Variants in CIZ1 observed in about 807,000 individuals in gnomAD.
CIZ1 encodes the protein CDKN1A interacting zinc finger protein 1.
Under a neutral mutation model 118.6 loss-of-function variants are expected in CIZ1, and 58 were observed. That is an observed-to-expected ratio of 0.49 (90% confidence interval 0.40 to 0.61). The LOEUF (loss-of-function observed/expected upper bound fraction) is 0.61, where lower values mean the gene tolerates loss of function less well. Ranked by LOEUF, CIZ1 falls within the 20% of genes least tolerant of loss-of-function variation. CIZ1 has a pLI of 0.00. For synonymous variants in CIZ1, 448 were observed against 443.4 expected (o/e 1.01, Z -0.13); for missense variants, 921 against 1,115.9 (o/e 0.83, Z 2.49).
chr9:128,198,220 G>C (rs184239521), intron 1 of CIZ1: 1 of 152,500 alleles, frequency 6.6e-6, no homozygotes, highest in African/African-American at 2.4e-5. Context: ...GCCCCAGGCT[G>C]TGCCAGGTGC....
At position 128,166,981 on chromosome 9, in the gene CIZ1, G is replaced by A. The variant is rs1485531172; in HGVS notation, c.2366-101C>T. 2 of 1,603,266 alleles carry A rather than the reference G, an allele frequency of 1.2e-6. No individual in the cohort carries two copies. Among genetic ancestry groups the A allele is most frequent in the East Asian group, 2.2e-5 (1 of 44,630 alleles). The stretch of plus-strand genomic sequence containing the variant: ...GTGCTCCCCAACCCTCTAGGCAGGG[G>A]CAGAAGAGAAGGCTTCCCAGCCAGA... On this transcript the variant is annotated intron_variant, in intron 15 of 16. Coordinates refer to ENST00000372938, the MANE Select transcript of CIZ1 (RefSeq NM_001131016.2). This position sits in a 1 kb window ranked among gnomAD's most constrained non-coding sequence, Gnocchi z 4.4.
chr9:128,184,409 C>A (rs45519440), intron 5 of CIZ1, among the ~76,000 whole-genome samples: 1 of 149,888 alleles, frequency 6.7e-6, no homozygotes, highest in African/African-American at 2.5e-5. Flanking sequence ...TAGCCCATTT[C>A]TTTTTACTTT....
chr9:128,179,252 G>A lies in CIZ1; in HGVS notation c.955C>T (p.Gln319Ter). ...TGAGTCTGTGACTGCACCTGGGCCT[G>A]GACCTGCAGGACCCGTGGCTGGAAT... ...PRFQPRVLQV[Q>*]AQVQSQTQPR... is the part of the protein sequence containing the mutation. The change falls in exon 8 of 17, where the codon CAG becomes TAG. Residue 319 changes from glutamine to a stop codon, truncating the protein, a stop_gained. Coordinates refer to ENST00000372938, the MANE Select transcript of CIZ1 (RefSeq NM_001131016.2). LOFTEE classifies it high-confidence loss of function. 6 of 1,614,166 alleles carry A rather than the reference G, an allele frequency of 3.7e-6. No individual in the cohort carries two copies. The highest frequency in any genetic ancestry group is 5.1e-6 in the Non-Finnish European group (6 of 1,180,038).
rs765475290 is a variant in CIZ1, at chr9:128,166,722, G to T, written c.2487+37C>A. ...ATCAGCTTGGATTAAGACTAAGTCT[G>T]TGGCCAGGGGAGGACAGGGCAGGAT... is the stretch of plus-strand genomic sequence containing the variant. On this transcript the variant is annotated intron_variant, in intron 16 of 16. Coordinates refer to ENST00000372938, the MANE Select transcript of CIZ1 (RefSeq NM_001131016.2). The surrounding 1 kb of genome is among the most constrained non-coding windows in gnomAD (Gnocchi z 4.4). 9.3e-6 allele frequency: 15 copies of T among 1,613,848 alleles called. No individual in the cohort carries two copies. In the South Asian group the frequency reaches 1.6e-4, roughly 18 times the overall value.
At chr9:128,199,180 C>T (rs533639383) in intron 1 of CIZ1, among the ~76,000 whole-genome samples, 2 of 152,128 alleles carry the variant, frequency 1.3e-5, no homozygotes, top group African/African-American at 4.8e-5. Context: ...CCAGCCTGGC[C>T]AACATGGTGA....
chr9:128,199,393 G>A (rs115932937), intron 1 of CIZ1, among the ~76,000 whole-genome samples: 4,801 of 151,600 alleles, frequency 0.032, 256 homozygotes, highest in African/African-American at 0.1. Context: ...GCCCAGCACA[G>A]TTGGTGGTCA....
upstream of CIZ1, among the ~76,000 whole-genome samples, chr9:128,196,279 G>A (rs186709648): frequency 6.6e-6 from 1 of 152,236 alleles, no homozygotes; most frequent in African/African-American, 2.4e-5. Context: ...CAGGTGTTGT[G>A]ACTCACACCT....
intron 7 of CIZ1, among the ~76,000 whole-genome samples, chr9:128,179,636 G>C (rs890462844): frequency 6.6e-6 from 1 of 152,032 alleles, no homozygotes; most frequent in Non-Finnish European, 1.5e-5. Flanking sequence ...CCCAGCCCAA[G>C]ACTGTTTCTT....
upstream of CIZ1, among the ~76,000 whole-genome samples, chr9:128,192,475 G>A (rs1206071190): frequency 6.7e-6 from 1 of 149,548 alleles, no homozygotes; most frequent in Non-Finnish European, 1.5e-5. Context: ...CTTAACAACC[G>A]CTGTATCCCC....
intron 11 of CIZ1, among the ~76,000 whole-genome samples, chr9:128,171,629 C>T (rs967091769): frequency 6.8e-6 from 1 of 148,134 alleles, no homozygotes; most frequent in African/African-American, 2.5e-5. Flanking sequence ...CCCAGCTACT[C>T]GGGAGGCTGA....
intron 5 of CIZ1, among the ~76,000 whole-genome samples, chr9:128,184,901 C>G (rs904908444): frequency 2.6e-5 from 4 of 152,092 alleles, no homozygotes; most frequent in African/African-American, 9.7e-5. Context: ...AACCTCTGAC[C>G]TCAGGTGATC....
At chr9:128,169,573 A>G (rs1233098985) in intron 12 of CIZ1, 54 bp from the exon 13 acceptor site, 6 of 1,601,476 alleles carry the variant, frequency 3.7e-6, no homozygotes, top group Middle Eastern at 1.7e-4. Flanking sequence ...CCCCCTGACT[A>G]GCACCCAGGC....
In CIZ1 at chr9:128,199,310, G is replaced by A. The variant is rs575902530; in HGVS notation, c.-6+4876C>T. Among the ~76,000 whole-genome samples, 10 of 152,102 alleles carry A rather than the reference G, an allele frequency of 6.6e-5. 1 individual carries two copies. The South Asian group carries it at 2.1e-3, about 31-fold the overall frequency. On this transcript the variant is annotated intron_variant, in intron 1 of 17. Transcript: ENST00000372948. Reference sequence around the variant, plus strand: ...TTGAGCCCAGGAGGCAGAGGTTGCAGTAAGCAGAGATCATGCCACTGCACT... The same window carrying A: ...TTGAGCCCAGGAGGCAGAGGTTGCAATAAGCAGAGATCATGCCACTGCACT...
At position 128,166,894 on chromosome 9, in the gene CIZ1, T is replaced by C; in HGVS notation, c.2366-14A>G. 1 of 1,614,168 alleles carries C rather than the reference T, an allele frequency of 6.2e-7. No individual in the cohort carries two copies. Among genetic ancestry groups the C allele is most frequent in the Non-Finnish European group, 8.5e-7 (1 of 1,180,008 alleles). On this transcript the variant is annotated splice_polypyrimidine_tract_variant and intron_variant, in intron 15 of 16. Coordinates refer to ENST00000372938, the MANE Select transcript of CIZ1 (RefSeq NM_001131016.2). This position sits in a 1 kb window ranked among gnomAD's most constrained non-coding sequence, Gnocchi z 4.4. ...GGAAGTCCACACCTGTAGGATGGGA[T>C]GGCAGGGTCTGCACTCACATCCCTG...
At chr9:128,195,254 A>G (rs569343218), upstream of CIZ1, among the ~76,000 whole-genome samples, 62 of 152,256 alleles carry the variant, frequency 4.1e-4, no homozygotes, top group Non-Finnish European at 3.7e-4. Flanking sequence ...AACACCCACA[A>G]TATGATGTGA....
At chr9:128,188,098 AG>A (rs1832658598) in intron 3 of CIZ1, among the ~76,000 whole-genome samples, 164 bp from the exon 4 acceptor site, 3 of 109,254 alleles carry the variant, frequency 2.7e-5, no homozygotes, top group Admixed American at 1.3e-4. Context: ...AATTAAAAAA[AG>A]CAAAAGAAAG....
At position 128,176,496 on chromosome 9, in the gene CIZ1, G is replaced by A. The variant is rs1830864844; in HGVS notation, c.1819-21C>T. 9 of 1,609,788 alleles carry A rather than the reference G, an allele frequency of 5.6e-6. No homozygotes were observed. The East Asian group carries it at 1.8e-4, about 32-fold the overall frequency. Reference sequence around the variant, plus strand: ...AACTCCTGCAGCAGGAGGGAAAGAGGGATGGGCCTGGGGCGTGAGCCCAGA... The same window carrying A: ...AACTCCTGCAGCAGGAGGGAAAGAGAGATGGGCCTGGGGCGTGAGCCCAGA... On this transcript the variant is annotated intron_variant, in intron 10 of 16. Coordinates refer to ENST00000372938, the MANE Select transcript of CIZ1 (RefSeq NM_001131016.2).
Position 128,166,504 on chromosome 9 carries a change from G to C in CIZ1, c.2488-98C>G. 9.1e-7 allele frequency: 1 copy of C among 1,102,130 alleles called. No homozygotes were observed. Among genetic ancestry groups the C allele is most frequent in the African/African-American group, 1.6e-5 (1 of 63,426 alleles). The allele number at this position is 1,102,130 out of a possible 1,614,324, so 68.3% of individuals were successfully genotyped here. A position where few individuals can be genotyped will look rare whatever the true frequency, so the allele number is the denominator to read the frequency against. On this transcript the variant is annotated intron_variant, in intron 16 of 16. Coordinates refer to ENST00000372938, the MANE Select transcript of CIZ1 (RefSeq NM_001131016.2). This position sits in a 1 kb window ranked among gnomAD's most constrained non-coding sequence, Gnocchi z 4.4. ...CCCAGCTCTGGCTGAGACAGTATTA[G>C]TGTGCTCTGTGACCCTGCGTGATGC...
chr9:128,190,914 T>C, intron 1 of CIZ1, 52 bp from the exon 2 acceptor site: 1 of 1,488,256 alleles, frequency 6.7e-7, no homozygotes, highest in Non-Finnish European at 8.9e-7. Context: ...AAGTCAGGCC[T>C]GCTCCCCTCC....
Sources: allele counts gnomAD v4.1 joint callset (sites outside exome capture counted in the v4.1 genomes callset), GRCh38; gene constraint gnomAD v4.1.1; non-coding constraint Gnocchi (gnomAD v3.1); transcripts MANE v1.5; gene names NCBI Gene and HGNC (gene_info 2026-07-23, HGNC 2026-07-21).